Variants in EXOC6B observed in about 807,000 individuals in gnomAD.
EXOC6B encodes SEC15 homolog B.
EXOC6B carries 54 observed loss-of-function variants against 113.5 expected under a neutral mutation model. The observed-to-expected ratio is 0.48, with a 90% CI of 0.38 to 0.60. The LOEUF is 0.60. Among genes scored for constraint, EXOC6B ranks in the 20% least tolerant of loss-of-function variants. The probability of loss-of-function intolerance (pLI) is 0.00; values close to 1 mark genes in which losing one functional copy is unlikely to be tolerated. For synonymous variants in EXOC6B, 357 were observed against 339.0 expected (o/e 1.05, Z -0.58); for missense variants, 797 against 977.5 (o/e 0.82, Z 2.46).
chr2:72,520,212 T>G (rs189046110), intron 8 of EXOC6B, among the ~76,000 whole-genome samples: 1 of 152,326 alleles, frequency 6.6e-6, no homozygotes, highest in East Asian at 1.9e-4. Context: ...ATAACTGGTA[T>G]GCAATTTTCA....
intron 18 of EXOC6B, among the ~76,000 whole-genome samples, chr2:72,399,639 C>A (rs1693009505): frequency 6.6e-6 from 1 of 152,112 alleles, no homozygotes; most frequent in Non-Finnish European, 1.5e-5. Flanking sequence ...CATTTCCATA[C>A]ACCAATAATA....
At chr2:72,252,574 G>C (rs539873341) in intron 20 of EXOC6B, among the ~76,000 whole-genome samples, 1 of 152,284 alleles carries the variant, frequency 6.6e-6, no homozygotes, top group Non-Finnish European at 1.5e-5. Context: ...TATAAACTTT[G>C]TGATACTGAA....
At chr2:72,595,694 T>A (rs1379468555) in intron 6 of EXOC6B, among the ~76,000 whole-genome samples, 2 of 151,950 alleles carry the variant, frequency 1.3e-5, no homozygotes, top group Non-Finnish European at 2.9e-5. Context: ...CAAATTTTTT[T>A]AAAAGACATA....
Position 72,671,783 on chromosome 2 carries a change from G to GAAAGAAAGAAAGAAAGAA in EXOC6B, c.669+46302_669+46319dup, listed in dbSNP as rs1553464034. Among the ~76,000 whole-genome samples, 79 of 106,168 alleles carry GAAAGAAAGAAAGAAAGAA rather than the reference G, an allele frequency of 7.4e-4. 1 individual carries two copies. Among genetic ancestry groups the GAAAGAAAGAAAGAAAGAA allele is most frequent in the African/African-American group, 3.4e-3 (73 of 21,670 alleles). 69.7% of individuals were successfully genotyped at this position (106,168 alleles called of 152,430 possible). On this transcript the variant is annotated intron_variant, in intron 6 of 21. Coordinates refer to ENST00000272427, the MANE Select transcript of EXOC6B (RefSeq NM_015189.3). Reference sequence around the variant, plus strand: ...AGAAAGAAAGAAAGAAAGAAAGAAAGAAAGAAAGAAAGAAAGAAAGAAAGA... The same window carrying GAAAGAAAGAAAGAAAGAA: ...AGAAAGAAAGAAAGAAAGAAAGAAAGAAAGAAAGAAAGAAAGAAAAAGAAAGAAAGAAAGAAAGAAAGA...
chr2:72,661,571 G>T (rs931731937), intron 6 of EXOC6B, among the ~76,000 whole-genome samples: 2 of 151,980 alleles, frequency 1.3e-5, no homozygotes, highest in African/African-American at 4.8e-5. Context: ...ACATACACAT[G>T]ATTTAGATAA....
At chr2:72,515,215 T>C (rs1188351371) in intron 8 of EXOC6B, 89 bp from the exon 9 acceptor site, 2 of 1,216,510 alleles carry the variant, frequency 1.6e-6, no homozygotes, top group Admixed American at 2.2e-5. Flanking sequence ...AGGTCTGGAA[T>C]TTGAGGTAGT....
chr2:72,477,920 T>A (rs139097399), intron 17 of EXOC6B, among the ~76,000 whole-genome samples: 162 of 152,324 alleles, frequency 1.1e-3, no homozygotes, highest in Non-Finnish European at 1.7e-3. Flanking sequence ...ACATTAGATT[T>A]TTTTGTTTGT....
intron 1 of EXOC6B, among the ~76,000 whole-genome samples, chr2:72,782,566 CA>C (rs1684120988): frequency 6.6e-6 from 1 of 152,110 alleles, no homozygotes; most frequent in Non-Finnish European, 1.5e-5. Flanking sequence ...TATTTTGAAA[CA>C]GACAAAACAC....
intron 1 of EXOC6B, among the ~76,000 whole-genome samples, chr2:72,757,314 G>T (rs73945619): frequency 2.0e-5 from 3 of 152,244 alleles, no homozygotes; most frequent in African/African-American, 7.2e-5. Flanking sequence ...TAACCAAAAT[G>T]AAGTCGGGGA....
chr2:72,516,020 G>A (rs968000648), intron 8 of EXOC6B, among the ~76,000 whole-genome samples: 4 of 152,090 alleles, frequency 2.6e-5, no homozygotes, highest in African/African-American at 4.8e-5. Flanking sequence ...TCACCAGCAG[G>A]CACTAGAAAA....
chr2:72,198,563 A>G (rs1679309152), intron 20 of EXOC6B, among the ~76,000 whole-genome samples: 1 of 152,372 alleles, frequency 6.6e-6, no homozygotes. Flanking sequence ...GCAAAGTAGT[A>G]GTAAGTACAA....
chr2:72,438,871 G>A (rs1428715449), intron 18 of EXOC6B, among the ~76,000 whole-genome samples: 1 of 152,100 alleles, frequency 6.6e-6, no homozygotes, highest in Non-Finnish European at 1.5e-5. Context: ...GGCTAGGCTA[G>A]AATTTTCTTT....
chr2:72,465,126 T>C (rs1471732571), intron 18 of EXOC6B, 34 bp downstream of exon 18: 1 of 1,421,242 alleles, frequency 7.0e-7, no homozygotes, highest in African/African-American at 2.5e-5. Context: ...AATCTTTTTA[T>C]ATATAAAGGA....
intron 18 of EXOC6B, among the ~76,000 whole-genome samples, chr2:72,414,451 GA>G (rs138862283): frequency 2.0e-5 from 3 of 151,078 alleles, no homozygotes; most frequent in Admixed American, 6.6e-5. Context: ...ATCCACAACG[GA>G]AAAAAAAATT....
intron 20 of EXOC6B, among the ~76,000 whole-genome samples, chr2:72,327,926 A>G (rs1227380928): frequency 6.6e-6 from 1 of 152,120 alleles, no homozygotes; most frequent in Non-Finnish European, 1.5e-5. Context: ...AGAGACTACT[A>G]AAGCATTCCA....
At chr2:72,431,500 T>C (rs1209934718) in intron 18 of EXOC6B, among the ~76,000 whole-genome samples, 2 of 150,466 alleles carry the variant, frequency 1.3e-5, no homozygotes, top group Non-Finnish European at 3.0e-5. Flanking sequence ...TATCTATCTA[T>C]CTATCTATCT....
At chr2:72,348,488 A>T (rs943190912) in intron 19 of EXOC6B, among the ~76,000 whole-genome samples, 1 of 152,134 alleles carries the variant, frequency 6.6e-6, no homozygotes, top group Non-Finnish European at 1.5e-5. Context: ...CAAATCCTTT[A>T]CTTGTATTCT....
At chr2:72,638,165 A>G (rs1402801698) in intron 6 of EXOC6B, among the ~76,000 whole-genome samples, 1 of 152,184 alleles carries the variant, frequency 6.6e-6, no homozygotes, top group African/African-American at 2.4e-5. Flanking sequence ...GAGAAGAAAA[A>G]GGAGACATTA....
chr2:72,417,847 C>A (rs769545184), intron 18 of EXOC6B, among the ~76,000 whole-genome samples: 1 of 152,028 alleles, frequency 6.6e-6, no homozygotes, highest in African/African-American at 2.4e-5. Flanking sequence ...CCTTCACATT[C>A]GCCTGTAGTA....
Sources: gnomAD v4.1 joint callset for allele counts (sites outside exome capture counted in the v4.1 genomes callset) on GRCh38, gnomAD v4.1.1 for gene constraint, MANE v1.5 for transcripts, NCBI Gene and HGNC (gene_info 2026-07-23, HGNC 2026-07-21) for gene names.